The following POF1B variants were observed in gnomAD, a reference collection of about 807,000 sequenced individuals.
POF1B encodes POF1B actin binding protein, also known as protein POF1B.
A neutral mutation model predicts 55.3 loss-of-function variants in POF1B; 53 were observed. The ratio of observed to expected loss-of-function variants is 0.96; its 90% confidence interval spans 0.77 to 1.20. The LOEUF (loss-of-function observed/expected upper bound fraction) is 1.20, where lower values mean the gene tolerates loss of function less well. POF1B is among the 50% of genes most tolerant of loss of function. The pLI is 0.00. For missense variants in POF1B, 478 were observed against 420.5 expected, an observed-to-expected ratio of 1.14 and a Z score of -1.20; for synonymous variants, 188 against 148.3, an observed-to-expected ratio of 1.27 and a Z score of -1.95.
At chrX:85,313,643 T>C (rs944219728) in intron 9 of POF1B, among the ~76,000 whole-genome samples, 1 of 111,045 alleles carries the variant, frequency 9.0e-6, no homozygotes, top group African/African-American at 3.3e-5. Context: ...TTTCCTTTTT[T>C]GTTCTGTCTC....
chrX:85,292,837 AC>A (rs750637329), intron 15 of POF1B, among the ~76,000 whole-genome samples: 107 of 100,072 alleles, frequency 1.1e-3, no homozygotes, highest in Middle Eastern at 4.9e-3. Context: ...AAGAAAAAAA[AC>A]AACCCTGTAA....
At chrX:85,326,757 G>A (rs1319898848) in intron 7 of POF1B, among the ~76,000 whole-genome samples, 2 of 109,153 alleles carry the variant, frequency 1.8e-5, no homozygotes, top group African/African-American at 6.7e-5. Context: ...GGGAGGACAC[G>A]GGCAGACTGG....
At chrX:85,356,561 AC>A (rs1447717165) in intron 4 of POF1B, among the ~76,000 whole-genome samples, 1 of 111,085 alleles carries the variant, frequency 9.0e-6, no homozygotes, top group Non-Finnish European at 1.9e-5. Context: ...GAAAAAAAAA[AC>A]CTCCAAATTT....
intron 14 of POF1B, 111 bp downstream of exon 14, chrX:85,304,232 A>T (rs999427163): frequency 2.6e-6 from 2 of 774,112 alleles, no homozygotes; most frequent in East Asian, 8.3e-5. Flanking sequence ...TCATTAAATA[A>T]AGTGACTCTT....
At chrX:85,319,990 A>G (rs1235772763) in intron 7 of POF1B, among the ~76,000 whole-genome samples, 1 of 110,916 alleles carries the variant, frequency 9.0e-6, no homozygotes, top group Non-Finnish European at 1.9e-5. Context: ...TTGTGAATGC[A>G]TCTATCTGGT....
intron 6 of POF1B, among the ~76,000 whole-genome samples, chrX:85,339,628 G>T (rs1279653466): frequency 9.0e-6 from 1 of 111,142 alleles, no homozygotes; most frequent in East Asian, 2.9e-4. Flanking sequence ...GCTAGAATCT[G>T]GTTTGCAGTG....
rs363785 is a variant in POF1B at position 85,304,333 on chromosome X, C to T, written c.1566+10G>A. The T allele has an allele frequency of 7.9e-4, 919 of 1,167,865 alleles. 5 individuals are homozygous for T. The African/African-American group carries it at 0.015, about 18-fold the overall frequency. Reference sequence around the variant, plus strand: ...TTACTTTTCTCCATCCCCACCCCTTCCTTTTATACCTCTGACTGACGCTTT... The same window carrying T: ...TTACTTTTCTCCATCCCCACCCCTTTCTTTTATACCTCTGACTGACGCTTT... On this transcript the variant is annotated intron_variant, in intron 14 of 16. Coordinates refer to ENST00000262753, the MANE Select transcript of POF1B (RefSeq NM_024921.4).
chrX:85,369,996 T>C (rs772746351), intron 2 of POF1B, among the ~76,000 whole-genome samples: 1 of 111,874 alleles, frequency 8.9e-6, no homozygotes, highest in South Asian at 3.7e-4. Context: ...TCTGTCCTTC[T>C]TGTAACCAAT....
At chrX:85,288,433 T>C (rs1230659191) in intron 15 of POF1B, among the ~76,000 whole-genome samples, 2 of 111,450 alleles carry the variant, frequency 1.8e-5, no homozygotes, top group East Asian at 2.9e-4. Flanking sequence ...AAGGAGATCA[T>C]AGACTGCCAC....
At chrX:85,330,754 G>T (rs186683832) in intron 7 of POF1B, among the ~76,000 whole-genome samples, 195 bp downstream of exon 7, 164 of 111,102 alleles carry the variant, frequency 1.5e-3, no homozygotes, top group African/African-American at 5.1e-3. Context: ...CCAACATGGC[G>T]CATGTATACA....
intron 2 of POF1B, among the ~76,000 whole-genome samples, chrX:85,374,933 T>C (rs768500899): frequency 8.9e-6 from 1 of 112,013 alleles, no homozygotes; most frequent in South Asian, 3.7e-4. Context: ...ACTTCTTTGA[T>C]TTAGGATAAA....
At chrX:85,315,664 T>C (rs754922876) in intron 8 of POF1B, 43 bp downstream of exon 8, 1 of 1,052,626 alleles carries the variant, frequency 9.5e-7, no homozygotes, top group Non-Finnish European at 1.3e-6. Context: ...GAATCTACTT[T>C]GTTATTATAC....
At chrX:85,353,390 G>A (rs1933426853) in intron 4 of POF1B, among the ~76,000 whole-genome samples, 2 of 110,520 alleles carry the variant, frequency 1.8e-5, no homozygotes, top group Non-Finnish European at 3.8e-5. Flanking sequence ...GAGTACAGAT[G>A]AGGAGACTGG....
intron 9 of POF1B, among the ~76,000 whole-genome samples, chrX:85,310,065 A>C (rs188940673): frequency 8.9e-6 from 1 of 111,757 alleles, no homozygotes; most frequent in East Asian, 2.8e-4. Context: ...CACAACATAA[A>C]AATGGCCAGG....
At chrX:85,302,944 G>T (rs1401030070) in intron 15 of POF1B, among the ~76,000 whole-genome samples, 1 of 111,548 alleles carries the variant, frequency 9.0e-6, no homozygotes. Flanking sequence ...TGGTCATATT[G>T]CTACCGTGAG....
intron 7 of POF1B, among the ~76,000 whole-genome samples, chrX:85,318,817 T>G (rs779864678): frequency 8.9e-6 from 1 of 111,783 alleles, no homozygotes; most frequent in African/African-American, 3.2e-5. Context: ...GCCTTCCACT[T>G]TGTTCTTTTT....
chrX:85,299,759 C>T lies in POF1B; in HGVS notation c.1649+3647G>A, dbSNP rs371264777. ...TCCTGACCTCGTGATCCATCCACCT[C>T]GGCCTCCCAAAGTGCTGGGATTACA... On this transcript the variant is annotated intron_variant, in intron 15 of 16. Transcript: ENST00000262753. Among the ~76,000 whole-genome samples the T allele has an allele frequency of 2.7e-5, 3 of 111,421 alleles. No homozygotes were observed. The East Asian group carries it at 8.5e-4, about 32-fold the overall frequency.
At chrX:85,355,083 C>T (rs777749388) in intron 4 of POF1B, among the ~76,000 whole-genome samples, 258 of 111,621 alleles carry the variant, frequency 2.3e-3, no homozygotes, top group African/African-American at 7.9e-3. Context: ...GTAACCAAAA[C>T]AGCATGGTAC....
intron 12 of POF1B, 74 bp from the exon 13 acceptor site, chrX:85,305,984 A>T (rs1022786656): frequency 2.7e-5 from 29 of 1,093,774 alleles, no homozygotes; most frequent in Non-Finnish European, 3.5e-5. Context: ...AAGGATTGTT[A>T]TTAGATGAAA....
Sources: allele counts gnomAD v4.1 joint callset (sites outside exome capture counted in the v4.1 genomes callset), GRCh38; gene constraint gnomAD v4.1.1; transcripts MANE v1.5; gene names NCBI Gene and HGNC (gene_info 2026-07-23, HGNC 2026-07-21).